The following CPNE3 variants were observed in gnomAD, a reference collection of about 807,000 sequenced individuals.
The protein encoded by CPNE3 is copine 3.
Under a neutral mutation model 63.9 loss-of-function variants are expected in CPNE3, and 68 were observed. The ratio of observed to expected loss-of-function variants is 1.06; its 90% CI spans 0.87 to 1.30. The LOEUF (loss-of-function observed/expected upper bound fraction) is 1.30. Among genes scored for constraint, CPNE3 ranks in the 50% most tolerant of loss-of-function variants. CPNE3 has a pLI of 0.00. For missense variants in CPNE3, 665 were observed against 578.1 expected (o/e 1.15, Z -1.54); for synonymous variants, 219 against 197.5 (o/e 1.11, Z -0.91).
intron 6 of CPNE3, among the ~76,000 whole-genome samples, chr8:86,536,789 C>T (rs1441076231): frequency 1.3e-5 from 2 of 152,108 alleles, no homozygotes; most frequent in Admixed American, 1.3e-4. Context: ...AGTCTTACCA[C>T]CTGAGTTTAA....
chr8:86,528,590 T>G lies in CPNE3; in HGVS notation c.45T>G (p.Cys15Trp), dbSNP rs1432919633. The change falls in exon 3 of 17, where the codon TGT (cysteine) becomes TGG (tryptophan). Residue 15 changes from cysteine (C) to tryptophan (W), a missense_variant. Transcript: ENST00000517490. The stretch of plus-strand genomic sequence containing the variant: ...CAAAGGTGGCGCTGAATGTTTCCTG[T>G]GCCAATCTTTTGGATAAAGATATAG... Reference protein sequence around the residue: ...CVTKVALNVSCANLLDKDIGS... With the variant: ...CVTKVALNVSWANLLDKDIGS... 6.2e-7 allele frequency: 1 copy of G among 1,614,096 alleles called. No individual in the cohort carries two copies. The highest frequency in any genetic ancestry group is 2.2e-5 in the East Asian group (1 of 44,876).
intron 12 of CPNE3, among the ~76,000 whole-genome samples, chr8:86,548,704 C>T (rs1033574480): frequency 2.0e-4 from 31 of 152,262 alleles, no homozygotes; most frequent in Admixed American, 2.0e-3. Context: ...GACTGAATGT[C>T]AGCAAGGCTC....
At chr8:86,551,599 C>T (rs1303625927) in intron 14 of CPNE3, 1 of 161,892 alleles carries the variant, frequency 6.2e-6, no homozygotes, top group African/African-American at 2.4e-5. Context: ...AACAAACCTT[C>T]AATAAAATGA....
chr8:86,550,492 C>T (rs961661250), intron 12 of CPNE3, among the ~76,000 whole-genome samples: 10 of 152,232 alleles, frequency 6.6e-5, no homozygotes, highest in South Asian at 2.1e-4. Flanking sequence ...TTTATAATGG[C>T]GGAACATTGG....
chr8:86,516,900 C>T (rs1489861131), intron 2 of CPNE3, among the ~76,000 whole-genome samples: 1 of 152,146 alleles, frequency 6.6e-6, no homozygotes, highest in African/African-American at 2.4e-5. Context: ...GATTATATGT[C>T]ATTTGACCTT....
chr8:86,530,644 G>A (rs1440597470), intron 4 of CPNE3, among the ~76,000 whole-genome samples: 1 of 151,958 alleles, frequency 6.6e-6, no homozygotes, highest in East Asian at 1.9e-4. Flanking sequence ...GTATCTGCCA[G>A]GGTAGGCTCC....
intron 14 of CPNE3, chr8:86,551,502 A>G (rs1821177747): frequency 6.0e-6 from 2 of 330,686 alleles, no homozygotes; most frequent in South Asian, 2.0e-4. Context: ...TAAGAACTTT[A>G]ATAGGACAAA....
At chr8:86,531,821 G>A (rs989314390) in intron 5 of CPNE3, among the ~76,000 whole-genome samples, 5 of 152,152 alleles carry the variant, frequency 3.3e-5, no homozygotes, top group African/African-American at 1.2e-4. Flanking sequence ...CTTCTAGAGT[G>A]TCTGTACAGA....
chr8:86,544,931 ACTATG>A lies in CPNE3; in HGVS notation c.732+96_732+100del, dbSNP rs1821015757. Reference sequence around the variant, plus strand: ...TTTTTCCCATAGCATCAAACGGTTTACTATGCTTTTAGTCTATATTGCATAATGCT... The same window carrying A: ...TTTTTCCCATAGCATCAAACGGTTTACTTTTAGTCTATATTGCATAATGCT... On this transcript the variant is annotated intron_variant, in intron 9 of 16. Coordinates refer to ENST00000517490, the MANE Select transcript of CPNE3 (RefSeq NM_003909.5). 16 of 633,426 alleles carry A rather than the reference ACTATG, an allele frequency of 2.5e-5. No individual in the cohort carries two copies. In the South Asian group the frequency reaches 4.1e-4, roughly 16 times the overall value. 39.2% of individuals were successfully genotyped at this position (633,426 alleles called of 1,614,324 possible). A position where few individuals can be genotyped will look rare whatever the true frequency, so the allele number is the denominator to read the frequency against.
intron 1 of CPNE3, among the ~76,000 whole-genome samples, chr8:86,514,986 C>A (rs1057431996): frequency 1.3e-5 from 2 of 152,194 alleles, no homozygotes; most frequent in East Asian, 3.9e-4. Flanking sequence ...GTACCCACAC[C>A]ACGTCCGTGG....
At chr8:86,517,750 C>T (rs1335628623) in intron 2 of CPNE3, among the ~76,000 whole-genome samples, 1 of 152,206 alleles carries the variant, frequency 6.6e-6, no homozygotes, top group African/African-American at 2.4e-5. Flanking sequence ...TGTCTGCCTT[C>T]CTGCAGTGTA....
At chr8:86,532,911 A>G (rs1442617749) in intron 6 of CPNE3, among the ~76,000 whole-genome samples, 1 of 152,224 alleles carries the variant, frequency 6.6e-6, no homozygotes, top group African/African-American at 2.4e-5. Context: ...TTATAGGTCA[A>G]TTATCCTCTT....
chr8:86,556,958 A>G (rs1450879804), intron 16 of CPNE3, among the ~76,000 whole-genome samples: 2 of 151,716 alleles, frequency 1.3e-5, no homozygotes, highest in Non-Finnish European at 1.5e-5. Flanking sequence ...ACTCAGCATC[A>G]CTCTCGAGAA....
intron 4 of CPNE3, among the ~76,000 whole-genome samples, chr8:86,530,796 A>C (rs1196498571): frequency 1.3e-5 from 2 of 150,390 alleles, no homozygotes; most frequent in Non-Finnish European, 2.9e-5. Context: ...AATTCAAGTG[A>C]TTCTCCTGCC....
chr8:86,547,528 C>T, intron 10 of CPNE3, 183 bp from the exon 11 acceptor site: 1 of 525,024 alleles, frequency 1.9e-6, no homozygotes, highest in South Asian at 2.7e-5. Flanking sequence ...TATCTTGAAG[C>T]AGAATTTTAC....
intron 6 of CPNE3, among the ~76,000 whole-genome samples, chr8:86,533,138 C>T (rs1035527604): frequency 1.3e-5 from 2 of 152,050 alleles, no homozygotes; most frequent in Non-Finnish European, 2.9e-5. Flanking sequence ...GCAATCCTCC[C>T]ATCTCATACT....
intron 6 of CPNE3, among the ~76,000 whole-genome samples, chr8:86,535,908 T>C (rs1024868350): frequency 1.3e-5 from 2 of 152,194 alleles, no homozygotes; most frequent in Non-Finnish European, 2.9e-5. Context: ...CACATTCTTA[T>C]GATTTAAAGA....
intron 2 of CPNE3, among the ~76,000 whole-genome samples, chr8:86,526,482 T>TA (rs1475382291): frequency 1.3e-5 from 2 of 151,332 alleles, no homozygotes; most frequent in Non-Finnish European, 2.9e-5. Flanking sequence ...GGCACATATA[T>TA]AAATATATAA....
At chr8:86,541,376 A>C (rs1460283631) in intron 8 of CPNE3, among the ~76,000 whole-genome samples, 1 of 152,178 alleles carries the variant, frequency 6.6e-6, no homozygotes, top group Non-Finnish European at 1.5e-5. Context: ...AAGTTTTGTA[A>C]AAATTTTGTA....
Sources: gnomAD v4.1 joint callset for allele counts (sites outside exome capture counted in the v4.1 genomes callset) on GRCh38, gnomAD v4.1.1 for gene constraint, MANE v1.5 for transcripts, NCBI Gene and HGNC (gene_info 2026-07-23, HGNC 2026-07-21) for gene names.